HDDC2: variants seen among roughly 807,000 people sequenced by gnomAD.
HDDC2 encodes the protein 5'-deoxynucleotidase HDDC2.
Under a neutral mutation model 25.5 loss-of-function variants are expected in HDDC2, and 25 were observed. The observed-to-expected ratio is 0.98, with a 90% CI of 0.72 to 1.37. HDDC2 has a LOEUF of 1.37. Ranked by LOEUF, HDDC2 falls within the 40% of genes most tolerant of loss-of-function variation. The probability of loss-of-function intolerance (pLI) is 0.00; values close to 1 mark genes in which losing one functional copy is unlikely to be tolerated. For missense variants in HDDC2, 264 were observed against 253.1 expected, an observed-to-expected ratio of 1.04 and a Z score of -0.29; for synonymous variants, 106 against 89.7, an observed-to-expected ratio of 1.18 and a Z score of -1.03.
chr6:125,282,762 G>A (rs1281536991), intron 4 of HDDC2, among the ~76,000 whole-genome samples: 1 of 152,166 alleles, frequency 6.6e-6, no homozygotes, highest in Non-Finnish European at 1.5e-5. Context: ...CTATATTCAG[G>A]AGACCCATCT....
intron 4 of HDDC2, among the ~76,000 whole-genome samples, chr6:125,282,662 A>G (rs1438704997): frequency 6.6e-6 from 1 of 152,254 alleles, no homozygotes. Context: ...TTCACATGTA[A>G]CAATACTAAC....
chr6:125,282,354 AAAAAAAGAAAAAAG>A (rs1356848114), intron 4 of HDDC2, among the ~76,000 whole-genome samples: 3 of 151,914 alleles, frequency 2.0e-5, no homozygotes, highest in Admixed American at 1.3e-4. Flanking sequence ...TCTCAAAAAA[AAAAAAAGAAAAAAG>A]AAAAAAGAAA....
At chr6:125,284,498 G>A (rs1290213138) in intron 4 of HDDC2, among the ~76,000 whole-genome samples, 1 of 152,178 alleles carries the variant, frequency 6.6e-6, no homozygotes, top group Non-Finnish European at 1.5e-5. Flanking sequence ...CAAAAAGTGG[G>A]CAAAGGATAT....
chr6:125,300,458 A>G, intron 2 of HDDC2, 80 bp downstream of exon 2: 1 of 1,495,238 alleles, frequency 6.7e-7, no homozygotes, highest in Non-Finnish European at 9.0e-7. Context: ...CAAGGATTTG[A>G]CATGGGTCTC....
chr6:125,285,750 G>A (rs1373141299), intron 4 of HDDC2, among the ~76,000 whole-genome samples: 2 of 151,964 alleles, frequency 1.3e-5, no homozygotes, highest in East Asian at 3.9e-4. Context: ...AAAATTACCA[G>A]ACTTAAAAGA....
chr6:125,278,632 G>T (rs1020205880), intron 4 of HDDC2: 1 of 152,136 alleles, frequency 6.6e-6, no homozygotes, highest in Non-Finnish European at 1.5e-5. Flanking sequence ...AGAAATTATT[G>T]CAAGTAGCTT....
chr6:125,279,247 C>G (rs1215950016), intron 4 of HDDC2: 1 of 152,194 alleles, frequency 6.6e-6, no homozygotes, highest in Admixed American at 6.5e-5. Flanking sequence ...GAGCTTACAT[C>G]AAAGACAGCC....
At chr6:125,293,543 T>C (rs1244911784) in intron 3 of HDDC2, among the ~76,000 whole-genome samples, 1 of 152,158 alleles carries the variant, frequency 6.6e-6, no homozygotes, top group African/African-American at 2.4e-5. Context: ...TTCAATAGCA[T>C]CATGGAACAG....
chr6:125,297,073 AT>A (rs1477227543), intron 3 of HDDC2, among the ~76,000 whole-genome samples: 1 of 152,068 alleles, frequency 6.6e-6, no homozygotes, highest in Non-Finnish European at 1.5e-5. Flanking sequence ...TTAGAATATG[AT>A]TTCTCGTCCA....
In HDDC2 at chr6:125,301,861, T is replaced by A; in HGVS notation, c.72A>T (p.Val24=). 1 of 1,545,744 alleles carries A rather than the reference T, an allele frequency of 6.5e-7. No homozygotes were observed. Among genetic ancestry groups the A allele is most frequent in the Non-Finnish European group, 8.7e-7 (1 of 1,147,268 alleles). ...GGTGCCCGCTCACCTTGAGCTGCCCTACCAGCCGCAGGAACTGCAGTAGGG... is the reference window on the plus strand; with the variant it reads ...GGTGCCCGCTCACCTTGAGCTGCCCAACCAGCCGCAGGAACTGCAGTAGGG... The part of the protein sequence containing the change: ...ARSLLQFLRL[V]GQLKRVPRTG... Residue 24 remains valine (V), a synonymous_variant, in exon 1 of 6, where the codon GTA becomes GTT. Coordinates refer to ENST00000398153, the MANE Select transcript of HDDC2 (RefSeq NM_016063.3).
chr6:125,290,418 A>G (rs1583053114), intron 4 of HDDC2, among the ~76,000 whole-genome samples: 1 of 152,230 alleles, frequency 6.6e-6, no homozygotes, highest in East Asian at 1.9e-4. Flanking sequence ...CCAACATTAG[A>G]CATGAAGTAT....
At position 125,301,894 on chromosome 6, in the gene HDDC2, C is replaced by A; in HGVS notation, c.39G>T (p.Gly13=). ...GCAGGAACTGCAGTAGGGACCGAGCCCCGTGGCCCGAGAAGGTCGCAGAGG... is the reference window on the plus strand; with the variant it reads ...GCAGGAACTGCAGTAGGGACCGAGCACCGTGGCCCGAGAAGGTCGCAGAGG... ...SVSSATFSGH[G]ARSLLQFLRL... The change falls in exon 1 of 6, where the codon GGG becomes GGT. Residue 13 remains glycine (G), a synonymous_variant. Coordinates refer to ENST00000398153, the MANE Select transcript of HDDC2 (RefSeq NM_016063.3). 6.4e-7 allele frequency: 1 copy of A among 1,552,056 alleles called. No individual in the cohort carries two copies. The highest frequency in any genetic ancestry group is 8.7e-7 in the Non-Finnish European group (1 of 1,149,562).
chr6:125,294,958 A>G (rs900678148), intron 3 of HDDC2, among the ~76,000 whole-genome samples: 1 of 152,224 alleles, frequency 6.6e-6, no homozygotes, highest in Non-Finnish European at 1.5e-5. Flanking sequence ...CTGAACTATG[A>G]TTTTCTGAAT....
At chr6:125,281,486 A>C (rs910811313) in intron 4 of HDDC2, among the ~76,000 whole-genome samples, 4 of 152,216 alleles carry the variant, frequency 2.6e-5, no homozygotes, top group Admixed American at 1.3e-4. Flanking sequence ...ATTGCTAACC[A>C]GAATAAACAG....
chr6:125,301,797 C>A, intron 1 of HDDC2, 52 bp downstream of exon 1: 3 of 1,363,908 alleles, frequency 2.2e-6, no homozygotes, highest in Non-Finnish European at 3.0e-6. Context: ...AGCTCCGCCG[C>A]CCCACAGTCC....
chr6:125,283,733 T>C (rs1350378417), intron 4 of HDDC2, among the ~76,000 whole-genome samples: 2 of 152,154 alleles, frequency 1.3e-5, no homozygotes, highest in Non-Finnish European at 2.9e-5. Context: ...AAAATGGCCA[T>C]ACTGCCCAAA....
intron 3 of HDDC2, among the ~76,000 whole-genome samples, chr6:125,294,138 T>C (rs1798670853): frequency 6.6e-6 from 1 of 152,242 alleles, no homozygotes; most frequent in South Asian, 2.1e-4. Context: ...GCCTCAGTTC[T>C]TCTAACCACA....
chr6:125,282,695 G>A (rs1032289758), intron 4 of HDDC2, among the ~76,000 whole-genome samples: 2 of 151,900 alleles, frequency 1.3e-5, no homozygotes, highest in African/African-American at 4.8e-5. Flanking sequence ...TGGGCTAAAT[G>A]CCCCAATTAA....
intron 4 of HDDC2, among the ~76,000 whole-genome samples, chr6:125,292,341 C>A (rs1381203594): frequency 1.3e-5 from 2 of 151,890 alleles, no homozygotes; most frequent in Admixed American, 6.6e-5. Context: ...GGGAAGGGAG[C>A]AGCACTGGGA....
Sources: allele counts gnomAD v4.1 joint callset (sites outside exome capture counted in the v4.1 genomes callset), GRCh38; gene constraint gnomAD v4.1.1; transcripts MANE v1.5; gene names NCBI Gene and HGNC (gene_info 2026-07-23, HGNC 2026-07-21).